Variants in RNF2 observed in about 807,000 individuals in gnomAD.
RNF2 encodes E3 ubiquitin-protein ligase RING2.
RNF2 carries 6 observed loss-of-function variants against 37.2 expected under a neutral mutation model. The observed-to-expected ratio is 0.16, with a 90% CI of 0.09 to 0.32. RNF2 has a LOEUF of 0.32. Ranked by LOEUF, RNF2 falls within the 10% of genes least tolerant of loss-of-function variation. The pLI is 1.00. For missense variants in RNF2, 251 were observed against 404.0 expected (o/e 0.62, Z 3.25); for synonymous variants, 133 against 132.7 (o/e 1.00, Z -0.02).
At position 185,101,244 on chromosome 1, in the gene RNF2, A is replaced by G. The variant is rs1652069399; in HGVS notation, c.*943A>G. 6.6e-6 allele frequency: 1 copy of G among 152,556 alleles called. No individual in the cohort carries two copies. Among genetic ancestry groups the G allele is most frequent in the African/African-American group, 2.4e-5 (1 of 41,448 alleles). The allele number at this position is 152,556 out of a possible 1,614,324, so 9.5% of individuals were successfully genotyped here. A position where few individuals can be genotyped will look rare whatever the true frequency, so the allele number is the denominator to read the frequency against. On this transcript the variant is annotated 3_prime_UTR_variant, in exon 7 of 7. Coordinates refer to ENST00000367510, the MANE Select transcript of RNF2 (RefSeq NM_007212.4). The stretch of plus-strand genomic sequence containing the variant: ...TCTTATTTGTAGCCACATAAGTTTC[A>G]AGAATAACATGGCACACAGAACAAT...
rs1404122501 is a variant in RNF2, at chr1:185,098,341, C to T, written c.734C>T (p.Thr245Met). 6.2e-7 allele frequency: 1 copy of T among 1,613,426 alleles called. No individual in the cohort carries two copies. The highest frequency in any genetic ancestry group is 8.5e-7 in the Non-Finnish European group (1 of 1,179,540). The change falls in exon 5 of 7, where the codon ACG becomes ATG. Residue 245 changes from threonine to methionine, a missense_variant. Physicochemically the swap from Thr to Met is moderately conservative, Grantham distance 81 (BLOSUM62 -1). Coordinates refer to ENST00000367510, the MANE Select transcript of RNF2 (RefSeq NM_007212.4). ...TLMEKDDSAQ[T>M]RYIKTSGNAT... ...ATGGAAAAAGATGACAGTGCACAGACGAGGTAAGTGTGTGGATTAGTTTCA... is the reference window on the plus strand; with the variant it reads ...ATGGAAAAAGATGACAGTGCACAGATGAGGTAAGTGTGTGGATTAGTTTCA...
intron 1 of RNF2, among the ~76,000 whole-genome samples, chr1:185,057,456 G>T (rs1353681645): frequency 4.6e-5 from 7 of 151,818 alleles, no homozygotes; most frequent in Admixed American, 2.6e-4. Context: ...TTTTTTTTAA[G>T]ATTTGTATTT....
chr1:185,060,258 C>G (rs1342379155), intron 1 of RNF2, among the ~76,000 whole-genome samples: 1 of 152,120 alleles, frequency 6.6e-6, no homozygotes, highest in Non-Finnish European at 1.5e-5. Context: ...TTTCACATAT[C>G]CCTCACAAAG....
chr1:185,093,483 A>G (rs996661016), intron 4 of RNF2, among the ~76,000 whole-genome samples: 11 of 152,142 alleles, frequency 7.2e-5, no homozygotes, highest in Admixed American at 2.6e-4. Flanking sequence ...TTTTTTCTCA[A>G]CTTATTCTAT....
intron 1 of RNF2, among the ~76,000 whole-genome samples, chr1:185,068,518 A>G (rs537643848): frequency 1.1e-3 from 174 of 152,326 alleles, no homozygotes; most frequent in Non-Finnish European, 1.9e-3. Context: ...CCACAGAGGC[A>G]GATTGGAGTG....
intron 1 of RNF2, among the ~76,000 whole-genome samples, chr1:185,067,210 G>A (rs1425676631): frequency 6.6e-6 from 1 of 152,188 alleles, no homozygotes; most frequent in Non-Finnish European, 1.5e-5. Flanking sequence ...ACAGTGACAA[G>A]CTTTTCAGTA....
At chr1:185,092,478 A>T (rs1019492131) in intron 3 of RNF2, among the ~76,000 whole-genome samples, 1 of 152,184 alleles carries the variant, frequency 6.6e-6, no homozygotes, top group African/African-American at 2.4e-5. Context: ...CCTAGCCGAG[A>T]AATACATTTT....
Position 185,099,960 on chromosome 1 carries a change from A to C in RNF2, c.907A>C (p.Thr303Pro), listed in dbSNP as rs776758031. 11 of 1,604,510 alleles carry C rather than the reference A, an allele frequency of 6.9e-6. No homozygotes were observed. In the Admixed American group the frequency reaches 1.7e-4, roughly 25 times the overall value. The change falls in exon 6 of 7, where the codon ACT (threonine) becomes CCT (proline). Residue 303 changes from threonine to proline, a missense_variant and splice_region_variant. Thr to Pro is a conservative substitution (Grantham distance 38, BLOSUM62 -1). Around this residue, in one of 7 missense-constraint regions of RNF2, gnomAD observed 59 missense variants for 69.1 expected, o/e 0.85. Transcript: ENST00000367510. ...IYIATASGQF[T>P]VLNGSFSLEL... is the part of the protein sequence containing the mutation. ...TATAGCAACAGCCAGTGGCCAGTTCACTGTGAGTATTTAAAATAATAGACT... is the reference window on the plus strand; with the variant it reads ...TATAGCAACAGCCAGTGGCCAGTTCCCTGTGAGTATTTAAAATAATAGACT...
intron 1 of RNF2, among the ~76,000 whole-genome samples, chr1:185,080,521 T>C (rs1651314191): frequency 6.6e-6 from 1 of 152,240 alleles, no homozygotes; most frequent in South Asian, 2.1e-4. Context: ...TCTGCAAGAC[T>C]TTGCCCCTAT....
At chr1:185,084,153 A>G (rs1269984321) in intron 1 of RNF2, among the ~76,000 whole-genome samples, 1 of 152,030 alleles carries the variant, frequency 6.6e-6, no homozygotes, top group African/African-American at 2.4e-5. Context: ...TATGTTGCCC[A>G]GAATGGTCTT....
intron 4 of RNF2, among the ~76,000 whole-genome samples, chr1:185,093,496 C>A (rs187672013): frequency 8.5e-5 from 13 of 152,188 alleles, no homozygotes; most frequent in South Asian, 4.2e-4. Context: ...TATTCTATTT[C>A]TTCTCTTTAT....
At chr1:185,075,563 A>G (rs1415313203) in intron 1 of RNF2, among the ~76,000 whole-genome samples, 2 of 152,180 alleles carry the variant, frequency 1.3e-5, no homozygotes, top group Non-Finnish European at 2.9e-5. Context: ...AGGTTCTGCA[A>G]GGCTGTACAG....
At chr1:185,093,607 C>G (rs570012544) in intron 4 of RNF2, among the ~76,000 whole-genome samples, 4 of 152,270 alleles carry the variant, frequency 2.6e-5, no homozygotes, top group African/African-American at 7.2e-5. Context: ...TCATATTGCT[C>G]TTATCAATGT....
intron 2 of RNF2, among the ~76,000 whole-genome samples, chr1:185,090,415 C>T (rs1409506329): frequency 1.3e-5 from 2 of 152,190 alleles, no homozygotes; most frequent in Non-Finnish European, 2.9e-5. Flanking sequence ...CATCAATATA[C>T]TCTTGAGTGA....
At chr1:185,063,847 C>T (rs1650720912) in intron 1 of RNF2, among the ~76,000 whole-genome samples, 1 of 152,192 alleles carries the variant, frequency 6.6e-6, no homozygotes, top group Non-Finnish European at 1.5e-5. Flanking sequence ...TCTTGGACTA[C>T]TACCCTGGCC....
chr1:185,094,946 C>T (rs1651870978), intron 4 of RNF2, among the ~76,000 whole-genome samples: 1 of 152,154 alleles, frequency 6.6e-6, no homozygotes, highest in Admixed American at 6.5e-5. Flanking sequence ...AATCTCATGG[C>T]TTTAGGCATC....
rs764403045 is a variant in RNF2, at chr1:185,087,540, CTTT to C, written c.-2-11_-2-9del. 2.5e-6 allele frequency: 4 copies of C among 1,612,832 alleles called. No individual in the cohort carries two copies. The highest frequency in any genetic ancestry group is 3.4e-6 in the Non-Finnish European group (4 of 1,178,900). On this transcript the variant is annotated splice_polypyrimidine_tract_variant and intron_variant, in intron 1 of 6. Coordinates refer to ENST00000367510, the MANE Select transcript of RNF2 (RefSeq NM_007212.4). ...AATACTAAAATTGTTTTTCTCTCTT[CTTT>C]ATTTCCAGCAATGTCTCAGGCTGTG...
chr1:185,070,258 A>C (rs1449795459), intron 1 of RNF2, among the ~76,000 whole-genome samples: 2 of 152,030 alleles, frequency 1.3e-5, no homozygotes, highest in Admixed American at 1.3e-4. Flanking sequence ...TTTGCAGATT[A>C]AAAAAAAGCC....
intron 2 of RNF2, among the ~76,000 whole-genome samples, chr1:185,090,358 C>G (rs1051714287): frequency 2.0e-5 from 3 of 152,142 alleles, no homozygotes; most frequent in South Asian, 2.1e-4. Context: ...TTTTGTTAGG[C>G]ATGTTCTAAA....
Sources: allele counts gnomAD v4.1 joint callset (sites outside exome capture counted in the v4.1 genomes callset), GRCh38; gene constraint gnomAD v4.1.1; regional missense constraint gnomAD v4.1.1; transcripts MANE v1.5; gene names NCBI Gene and HGNC (gene_info 2026-07-23, HGNC 2026-07-21).